The following PHACTR1 variants were observed in gnomAD, a reference collection of about 807,000 sequenced individuals.
PHACTR1 encodes phosphatase and actin regulator 1.
Under a neutral mutation model 69.2 loss-of-function variants are expected in PHACTR1, and 16 were observed. The ratio of observed to expected loss-of-function variants is 0.23; its 90% CI spans 0.16 to 0.35. PHACTR1 has a LOEUF of 0.35. PHACTR1 is among the 10% of genes least tolerant of loss of function. The pLI is 1.00. For missense variants in PHACTR1, 510 were observed against 734.7 expected, an observed-to-expected ratio of 0.69 and a Z score of 3.54; for synonymous variants, 312 against 284.5, an observed-to-expected ratio of 1.10 and a Z score of -0.97.
At chr6:13,125,790 C>T (rs1163302968) in intron 5 of PHACTR1, among the ~76,000 whole-genome samples, 7 of 152,008 alleles carry the variant, frequency 4.6e-5, no homozygotes, top group Non-Finnish European at 5.9e-5. Flanking sequence ...ATTAGCCAGA[C>T]TTGGTGGTGC....
At chr6:13,228,436 G>A (rs1770187150) in intron 9 of PHACTR1, among the ~76,000 whole-genome samples, 1 of 152,072 alleles carries the variant, frequency 6.6e-6, no homozygotes, top group South Asian at 2.1e-4. Context: ...TACTCACTGT[G>A]TATGCAACAA....
At chr6:12,793,085 C>T (rs1196050314) in intron 4 of PHACTR1, among the ~76,000 whole-genome samples, 1 of 151,886 alleles carries the variant, frequency 6.6e-6, no homozygotes, top group Non-Finnish European at 1.5e-5. Context: ...AATAAAAGGA[C>T]AATTATTAGT....
chr6:13,227,654 C>T (rs115310490), intron 8 of PHACTR1, among the ~76,000 whole-genome samples, 162 bp from the exon 9 acceptor site: 2,702 of 152,258 alleles, frequency 0.018, 73 homozygotes, highest in African/African-American at 0.062. Context: ...GACACCGTGC[C>T]GTCTTAAAGT....
intron 4 of PHACTR1, among the ~76,000 whole-genome samples, chr6:12,808,952 A>T (rs1581849979): frequency 6.6e-6 from 1 of 151,542 alleles, no homozygotes; most frequent in East Asian, 1.9e-4. Context: ...ATCTTGGCTC[A>T]CTGCAACCTT....
rs959619547 is a variant in PHACTR1, at chr6:13,034,044, A to G, written c.251-19321A>G. ...TTTTCTTTTTTTTTTTTGAGACGGA[A>G]TCTCGCTGTCGCCCATGCTTGGAGT... On this transcript the variant is annotated intron_variant, in intron 4 of 14. Transcript: ENST00000332995. Among the ~76,000 whole-genome samples, 5 of 151,100 alleles carry G rather than the reference A, an allele frequency of 3.3e-5. No homozygotes were observed. The East Asian group carries it at 5.9e-4, about 18-fold the overall frequency.
chr6:12,966,162 A>G (rs115063541), intron 4 of PHACTR1, among the ~76,000 whole-genome samples: 3,605 of 152,150 alleles, frequency 0.024, 146 homozygotes, highest in African/African-American at 0.084. Context: ...CCTGAGAGTC[A>G]AGGTTGCAGG....
chr6:13,282,978 C>CTA (rs1367567844), intron 12 of PHACTR1, among the ~76,000 whole-genome samples: 1 of 152,102 alleles, frequency 6.6e-6, no homozygotes, highest in Non-Finnish European at 1.5e-5. Flanking sequence ...TTTATATATT[C>CTA]TATACTGAAA....
At chr6:12,985,827 A>G (rs1452091635) in intron 4 of PHACTR1, among the ~76,000 whole-genome samples, 2 of 151,910 alleles carry the variant, frequency 1.3e-5, no homozygotes, top group Non-Finnish European at 2.9e-5. Flanking sequence ...ATTAAGTTCA[A>G]AAACATGCTA....
chr6:13,064,545 AAG>A (rs1259845552), intron 5 of PHACTR1, among the ~76,000 whole-genome samples: 25 of 99,060 alleles, frequency 2.5e-4, no homozygotes, highest in African/African-American at 9.2e-4. Flanking sequence ...GAGAAGGGAA[AAG>A]ATATATATAT....
intron 5 of PHACTR1, among the ~76,000 whole-genome samples, chr6:13,059,320 C>G (rs1807318056): frequency 6.6e-6 from 1 of 152,016 alleles, no homozygotes; most frequent in South Asian, 2.1e-4. Flanking sequence ...GAAGTTGTTT[C>G]TTAATGGCCA....
chr6:13,072,633 T>C (rs1006680971), intron 5 of PHACTR1, among the ~76,000 whole-genome samples: 1 of 152,202 alleles, frequency 6.6e-6, no homozygotes, highest in African/African-American at 2.4e-5. Flanking sequence ...TTCTAAAACA[T>C]TCCCTTGGTT....
intron 4 of PHACTR1, among the ~76,000 whole-genome samples, chr6:12,937,070 A>G (rs1020309385): frequency 1.3e-5 from 2 of 152,172 alleles, no homozygotes; most frequent in African/African-American, 4.8e-5. Context: ...TATCTTATTC[A>G]GCCTATGCAG....
At chr6:13,141,029 C>T (rs1822355698) in intron 5 of PHACTR1, among the ~76,000 whole-genome samples, 1 of 152,164 alleles carries the variant, frequency 6.6e-6, no homozygotes, top group Admixed American at 6.5e-5. Flanking sequence ...TAGAATATAA[C>T]CTCGGGCAAG....
At chr6:12,948,603 A>G (rs1790928265) in intron 4 of PHACTR1, among the ~76,000 whole-genome samples, 1 of 152,214 alleles carries the variant, frequency 6.6e-6, no homozygotes, top group African/African-American at 2.4e-5. Context: ...GAACTCGTCA[A>G]AGGTCACACA....
chr6:13,099,993 C>T (rs1814891484), intron 5 of PHACTR1, among the ~76,000 whole-genome samples: 1 of 152,096 alleles, frequency 6.6e-6, no homozygotes, highest in Admixed American at 6.5e-5. Flanking sequence ...AATATTCAAA[C>T]AAGCAAATAT....
At chr6:13,231,708 T>G (rs1346840794) in intron 10 of PHACTR1, among the ~76,000 whole-genome samples, 1 of 152,258 alleles carries the variant, frequency 6.6e-6, no homozygotes, top group Non-Finnish European at 1.5e-5. Context: ...TATTAAGATA[T>G]TAACCACCCA....
intron 4 of PHACTR1, among the ~76,000 whole-genome samples, chr6:12,977,310 A>T (rs1183472116): frequency 1.3e-5 from 2 of 152,104 alleles, no homozygotes; most frequent in African/African-American, 4.8e-5. Context: ...CTCCCTGCAG[A>T]TAAGGAGGGA....
intron 4 of PHACTR1, among the ~76,000 whole-genome samples, chr6:13,022,380 CTATGG>C (rs1801101744): frequency 6.6e-6 from 1 of 152,224 alleles, no homozygotes; most frequent in Non-Finnish European, 1.5e-5. Context: ...GGTTAGTAAA[CTATGG>C]CCCATGGGCC....
At position 13,017,797 on chromosome 6, in the gene PHACTR1, AAC is replaced by A. The variant is rs1800406493; in HGVS notation, c.251-35566_251-35565del. Among the ~76,000 whole-genome samples, 4 of 152,222 alleles carry A rather than the reference AAC, an allele frequency of 2.6e-5. No homozygotes were observed. The South Asian group carries it at 8.3e-4, about 32-fold the overall frequency. On this transcript the variant is annotated intron_variant, in intron 4 of 14. Coordinates refer to ENST00000332995, the MANE Select transcript of PHACTR1 (RefSeq NM_030948.6). ...AATTTCAATAGAAATAAAATATTTT[AAC>A]AGTTTTTAAAAATATCTTGAAGCCT...
Sources: gnomAD v4.1 joint callset for allele counts (sites outside exome capture counted in the v4.1 genomes callset) on GRCh38, gnomAD v4.1.1 for gene constraint, MANE v1.5 for transcripts, NCBI Gene and HGNC (gene_info 2026-07-23, HGNC 2026-07-21) for gene names.